Variants in NAALADL2 observed in about 807,000 individuals in gnomAD.
NAALADL2 encodes inactive N-acetylated-alpha-linked acidic dipeptidase-like protein 2.
NAALADL2 carries 76 observed loss-of-function variants against 87.2 expected under a neutral mutation model. The ratio of observed to expected loss-of-function variants is 0.87; its 90% CI spans 0.72 to 1.05. The LOEUF (loss-of-function observed/expected upper bound fraction) is 1.05, where lower values mean the gene tolerates loss of function less well. NAALADL2 is among the 50% of genes least tolerant of loss of function. NAALADL2 has a pLI of 0.00. For missense variants in NAALADL2, 1,089 were observed against 945.8 expected (o/e 1.15, Z -1.99); for synonymous variants, 354 against 331.0 (o/e 1.07, Z -0.75).
At chr3:175,622,201 TAAGA>T (rs911367741) in intron 10 of NAALADL2, among the ~76,000 whole-genome samples, 18 of 152,182 alleles carry the variant, frequency 1.2e-4, no homozygotes, top group African/African-American at 4.1e-4. Flanking sequence ...CTGTAGCTCC[TAAGA>T]AAGACTTCAT....
chr3:174,752,027 G>A (rs558822172), intron 3 of NAALADL2, among the ~76,000 whole-genome samples: 16 of 152,036 alleles, frequency 1.1e-4, no homozygotes, highest in African/African-American at 3.9e-4. Context: ...GCCCAGGCTG[G>A]AGTGCAGTGG....
intron 3 of NAALADL2, among the ~76,000 whole-genome samples, chr3:174,778,856 A>C: frequency 6.6e-6 from 1 of 151,880 alleles, no homozygotes; most frequent in East Asian, 1.9e-4. Context: ...TATGTGCCAC[A>C]TTTTCTTTAT....
At chr3:175,670,512 A>ATGTAAAATTAATAT (rs1733830095) in intron 11 of NAALADL2, among the ~76,000 whole-genome samples, 3 of 3,070 alleles carry the variant, frequency 9.8e-4, no homozygotes, top group African/African-American at 1.6e-3. Flanking sequence ...ATTTATATTA[A>ATGTAAAATTAATAT]ATTTATATTA....
intron 1 of NAALADL2, among the ~76,000 whole-genome samples, chr3:174,490,685 A>G (rs34707070): frequency 0.28 from 42,838 of 151,946 alleles, 6,376 homozygotes; most frequent in South Asian, 0.46. Context: ...ATTGAAAACA[A>G]TGGAATGAAG....
At chr3:174,858,288 G>A (rs1027260578), upstream of NAALADL2, among the ~76,000 whole-genome samples, 1 of 151,436 alleles carries the variant, frequency 6.6e-6, no homozygotes, top group Non-Finnish European at 1.5e-5. Flanking sequence ...GGAAGAAAGT[G>A]GAGATTGTTT....
chr3:175,657,406 CA>C (rs1231266602), intron 11 of NAALADL2, among the ~76,000 whole-genome samples: 1 of 151,934 alleles, frequency 6.6e-6, no homozygotes, highest in African/African-American at 2.4e-5. Context: ...TCGTAAAAAT[CA>C]TTTTTTATTG....
At chr3:174,667,816 G>A (rs1264139345) in intron 2 of NAALADL2, among the ~76,000 whole-genome samples, 1 of 151,664 alleles carries the variant, frequency 6.6e-6, no homozygotes, top group African/African-American at 2.4e-5. Context: ...GAGAACAGGA[G>A]GAATTGGAAA....
At chr3:175,472,471 C>T (rs1295348082) in intron 9 of NAALADL2, among the ~76,000 whole-genome samples, 1 of 152,052 alleles carries the variant, frequency 6.6e-6, no homozygotes, top group African/African-American at 2.4e-5. Context: ...TGAAAACAAT[C>T]ATACCACAAC....
chr3:175,531,666 A>C (rs1734103828), intron 9 of NAALADL2, among the ~76,000 whole-genome samples: 1 of 152,240 alleles, frequency 6.6e-6, no homozygotes, highest in African/African-American at 2.4e-5. Flanking sequence ...GGTGGGCCTT[A>C]TGGACAGGAA....
chr3:174,638,887 T>C (rs1193980356), intron 2 of NAALADL2, among the ~76,000 whole-genome samples: 1 of 152,258 alleles, frequency 6.6e-6, no homozygotes, highest in African/African-American at 2.4e-5. Flanking sequence ...TTTACTGCTT[T>C]GCTTCTTTAA....
intron 3 of NAALADL2, among the ~76,000 whole-genome samples, chr3:174,829,506 A>C (rs1299654708): frequency 7.4e-6 from 1 of 134,744 alleles, no homozygotes; most frequent in Non-Finnish European, 1.6e-5. Flanking sequence ...TTCTTAATCC[A>C]GTCTATCATT....
At chr3:175,458,424 T>C (rs1722637485) in intron 6 of NAALADL2, among the ~76,000 whole-genome samples, 1 of 150,270 alleles carries the variant, frequency 6.7e-6, no homozygotes, top group South Asian at 2.1e-4. Context: ...TATGTTCTCA[T>C]GGATATATAT....
chr3:175,466,406 T>A (rs540021094), intron 7 of NAALADL2, among the ~76,000 whole-genome samples: 2 of 152,264 alleles, frequency 1.3e-5, no homozygotes, highest in African/African-American at 4.8e-5. Flanking sequence ...TTGCATTAAA[T>A]AAAATATGTA....
intron 5 of NAALADL2, among the ~76,000 whole-genome samples, chr3:175,409,559 T>C (rs1306920876): frequency 6.6e-6 from 1 of 151,902 alleles, no homozygotes; most frequent in East Asian, 1.9e-4. Flanking sequence ...AAGTATAAGA[T>C]TACAAGAAAT....
At chr3:175,142,297 T>C (rs142747115) in intron 2 of NAALADL2, among the ~76,000 whole-genome samples, 3 of 152,164 alleles carry the variant, frequency 2.0e-5, no homozygotes, top group African/African-American at 7.2e-5. Flanking sequence ...ATTAATTTCG[T>C]TTATAATTAT....
At chr3:175,088,944 G>T (rs1299302572) in intron 1 of NAALADL2, among the ~76,000 whole-genome samples, 2 of 152,152 alleles carry the variant, frequency 1.3e-5, no homozygotes, top group Non-Finnish European at 1.5e-5. Context: ...CTGAAAACAG[G>T]TCGGCAGCAG....
intron 1 of NAALADL2, among the ~76,000 whole-genome samples, chr3:174,453,178 A>G (rs1399516521): frequency 6.6e-6 from 1 of 152,224 alleles, no homozygotes; most frequent in Non-Finnish European, 1.5e-5. Flanking sequence ...CTGAGGAAAG[A>G]GTCTCAGAGC....
intron 4 of NAALADL2, among the ~76,000 whole-genome samples, chr3:175,272,055 C>T (rs1474217614): frequency 1.3e-5 from 2 of 152,016 alleles, no homozygotes; most frequent in African/African-American, 4.8e-5. Flanking sequence ...ACGTTAGCCC[C>T]TGGTAAGAAG....
intron 1 of NAALADL2, among the ~76,000 whole-genome samples, chr3:175,087,352 C>A (rs577103412): frequency 1.3e-5 from 2 of 152,202 alleles, no homozygotes; most frequent in South Asian, 4.2e-4. Flanking sequence ...TGCACGGCCG[C>A]CCCGTCTGGG....
Sources: allele counts gnomAD v4.1 joint callset (sites outside exome capture counted in the v4.1 genomes callset), GRCh38; gene constraint gnomAD v4.1.1; transcripts MANE v1.5; gene names NCBI Gene and HGNC (gene_info 2026-07-23, HGNC 2026-07-21).